Variants in PALM2AKAP2 observed in about 807,000 individuals in gnomAD.
The protein encoded by PALM2AKAP2 is PALM2-AKAP2 fusion protein.
In PALM2AKAP2, 37 loss-of-function variants were observed where a neutral mutation model predicts 71.5. That is an observed-to-expected ratio of 0.52 (90% CI 0.40 to 0.68). PALM2AKAP2 has a LOEUF of 0.68. PALM2AKAP2 is among the 30% of genes least tolerant of loss of function. The pLI is 0.00. For synonymous variants in PALM2AKAP2, 468 were observed against 478.8 expected (o/e 0.98, Z 0.29); for missense variants, 1,224 against 1,191.8 (o/e 1.03, Z -0.40).
chr9:110,168,324 A>G (rs1836784324), intron 3 of PALM2AKAP2, 75 bp from the exon 11 acceptor site: 4 of 1,543,526 alleles, frequency 2.6e-6, no homozygotes, highest in Admixed American at 3.9e-5. Context: ...AAAGGAAGAA[A>G]GAAACAGAGA....
intron 6 of PALM2AKAP2, among the ~76,000 whole-genome samples, chr9:109,991,739 C>G (rs1832486431): frequency 6.6e-6 from 1 of 152,174 alleles, no homozygotes; most frequent in Non-Finnish European, 1.5e-5. Context: ...GCAAACAGCT[C>G]TATGGCTGCA....
intron 5 of PALM2AKAP2, among the ~76,000 whole-genome samples, chr9:109,927,272 G>T (rs2131973826): frequency 6.6e-6 from 1 of 152,292 alleles, no homozygotes; most frequent in Non-Finnish European, 1.5e-5. Flanking sequence ...TCACAATGTG[G>T]TGAAGCACAT....
rs199944424 is a variant in PALM2AKAP2, at chr9:110,143,418, A to AAAC, written c.2569+4881_2569+4882insCAA. On this transcript the variant is annotated intron_variant, in intron 2 of 3. Transcript: ENST00000374525. Reference sequence around the variant, plus strand: ...GGCTGGGCAGCAAAGTGCCAAAAAAAAAAAAAAAAAAAAAGGAGAGAGAGA... The same window carrying AAAC: ...GGCTGGGCAGCAAAGTGCCAAAAAAAAACAAAAAAAAAAAAAAGGAGAGAGAGA... Among the ~76,000 whole-genome samples, 854 of 147,258 alleles carry AAAC rather than the reference A, an allele frequency of 5.8e-3. 7 individuals are homozygous for AAAC. The highest frequency in any genetic ancestry group is 0.01 in the Non-Finnish European group (661 of 65,730).
At chr9:109,993,056 C>T (rs116396187) in intron 6 of PALM2AKAP2, among the ~76,000 whole-genome samples, 477 of 151,038 alleles carry the variant, frequency 3.2e-3, no homozygotes, top group African/African-American at 0.011. Context: ...ATATACACTC[C>T]CTCCTTTTAA....
chr9:109,668,549 T>C (rs1827526154), intron 1 of PALM2AKAP2, among the ~76,000 whole-genome samples: 2 of 152,184 alleles, frequency 1.3e-5, no homozygotes, highest in South Asian at 2.1e-4. Context: ...TATGTATAGA[T>C]TGTGTGTCTG....
At chr9:110,109,665 G>A (rs1032013597) in intron 1 of PALM2AKAP2, among the ~76,000 whole-genome samples, 1 of 152,194 alleles carries the variant, frequency 6.6e-6, no homozygotes, top group Non-Finnish European at 1.5e-5. Flanking sequence ...GAAACTTCAA[G>A]GGGGAGCAGG....
At chr9:110,043,233 T>C (rs1833538119) in intron 7 of PALM2AKAP2, among the ~76,000 whole-genome samples, 1 of 152,190 alleles carries the variant, frequency 6.6e-6, no homozygotes, top group Non-Finnish European at 1.5e-5. Context: ...TTATCAGAAG[T>C]ATAGGGGGTT....
rs572550133 is a variant in PALM2AKAP2, at chr9:110,130,016, T to C, written c.157-6111T>C. The stretch of plus-strand genomic sequence containing the variant: ...TGCCATAGATTCTGACTTTGAGTCT[T>C]TCCCGGGCCTTTTTTCTTTCATCTT... On this transcript the variant is annotated intron_variant, in intron 1 of 3. Transcript: ENST00000374525. 4.8e-4 allele frequency among the ~76,000 whole-genome samples: 73 copies of C among 152,348 alleles called. 1 individual carries two copies. In the South Asian group the frequency reaches 0.014, roughly 30 times the overall value.
At chr9:109,805,490 C>T (rs1260400033) in intron 1 of PALM2AKAP2, among the ~76,000 whole-genome samples, 1 of 152,206 alleles carries the variant, frequency 6.6e-6, no homozygotes, top group Non-Finnish European at 1.5e-5. Context: ...ATTTAAAAAC[C>T]TGTGCTCCAT....
chr9:110,111,074 T>G (rs994730321), intron 1 of PALM2AKAP2, among the ~76,000 whole-genome samples: 4 of 147,362 alleles, frequency 2.7e-5, no homozygotes, highest in Non-Finnish European at 4.5e-5. Flanking sequence ...TTTTTTCTTT[T>G]CTTTCTTTCT....
chr9:109,714,135 A>T (rs1828283192), intron 1 of PALM2AKAP2, among the ~76,000 whole-genome samples: 1 of 152,224 alleles, frequency 6.6e-6, no homozygotes, highest in South Asian at 2.1e-4. Flanking sequence ...GGGACATTTC[A>T]TGTCAAAAAC....
At chr9:109,867,504 G>GGCA (rs1216272774) in exon 2 of PALM2AKAP2, 1 of 1,612,450 alleles carries the variant, frequency 6.2e-7, no homozygotes, top group East Asian at 2.2e-5. Flanking sequence ...AAAAGAAAGA[G>GGCA]GCAGACTGAA....
intron 6 of PALM2AKAP2, among the ~76,000 whole-genome samples, chr9:110,015,003 C>A (rs1448474599): frequency 6.6e-6 from 1 of 151,502 alleles, no homozygotes; most frequent in East Asian, 1.9e-4. Flanking sequence ...GGCCCCTGAT[C>A]TTTTCTTTGA....
At chr9:110,048,545 T>G (rs1833641098), upstream of PALM2AKAP2, 5 of 647,734 alleles carry the variant, frequency 7.7e-6, no homozygotes, top group East Asian at 3.5e-5. Context: ...GAGGAGAAGG[T>G]GTGGGTAGAT....
intron 6 of PALM2AKAP2, among the ~76,000 whole-genome samples, chr9:110,010,863 G>A (rs2132318326): frequency 6.8e-6 from 1 of 147,960 alleles, no homozygotes; most frequent in African/African-American, 2.5e-5. Context: ...GGGCATGGTG[G>A]TACATGCCTG....
At chr9:109,640,805 A>G in exon 1 of PALM2AKAP2, 2 of 1,501,270 alleles carry the variant, frequency 1.3e-6, no homozygotes, top group Non-Finnish European at 1.8e-6. Flanking sequence ...CGGCTCCGGG[A>G]GAGGCGAGCA....
intron 3 of PALM2AKAP2, among the ~76,000 whole-genome samples, chr9:109,906,994 C>G (rs1830460107): frequency 6.6e-6 from 1 of 152,174 alleles, no homozygotes; most frequent in Admixed American, 6.5e-5. Context: ...CTTGAGCCTG[C>G]CTTGCACATT....
chr9:110,041,398 G>A (rs908918849), intron 7 of PALM2AKAP2, among the ~76,000 whole-genome samples: 1 of 152,106 alleles, frequency 6.6e-6, no homozygotes, highest in African/African-American at 2.4e-5. Flanking sequence ...GCACAGCCCA[G>A]CTACAGTCTG....
chr9:109,643,070 A>T (rs936397919), intron 1 of PALM2AKAP2, among the ~76,000 whole-genome samples: 5 of 148,096 alleles, frequency 3.4e-5, no homozygotes, highest in Non-Finnish European at 7.6e-5. Flanking sequence ...AAAGAAAGAA[A>T]GAGAAAGAAA....
Sources: gnomAD v4.1 joint callset for allele counts (sites outside exome capture counted in the v4.1 genomes callset) on GRCh38, gnomAD v4.1.1 for gene constraint, MANE v1.5 for transcripts, NCBI Gene and HGNC (gene_info 2026-07-23, HGNC 2026-07-21) for gene names.